The following PKD2L1 variants were observed in gnomAD, a reference collection of about 807,000 sequenced individuals.
PKD2L1 encodes polycystin-2-like protein 1.
Under a neutral mutation model 93.0 loss-of-function variants are expected in PKD2L1, and 77 were observed. The observed-to-expected ratio is 0.83, with a 90% CI of 0.69 to 1.00. The LOEUF is 1.00. Ranked by LOEUF, PKD2L1 falls within the 50% of genes least tolerant of loss-of-function variation. The probability of loss-of-function intolerance (pLI) is 0.00; values close to 1 mark genes in which losing one functional copy is unlikely to be tolerated. For synonymous variants in PKD2L1, 390 were observed against 388.0 expected (o/e 1.01, Z -0.06); for missense variants, 977 against 990.9 (o/e 0.99, Z 0.19).
intron 2 of PKD2L1, among the ~76,000 whole-genome samples, chr10:100,319,243 A>C (rs1254652268): frequency 2.0e-5 from 3 of 152,258 alleles, no homozygotes; most frequent in Admixed American, 2.0e-4. Context: ...GTACTACTAA[A>C]TACCTAATTT....
rs746943362 is a variant in PKD2L1, at chr10:100,297,475, AG to A, written c.862del (p.Leu288PhefsTer31). 109 of 1,614,000 alleles carry A rather than the reference AG, an allele frequency of 6.8e-5. No homozygotes were observed. Among genetic ancestry groups the A allele is most frequent in the Non-Finnish European group, 9.0e-5 (106 of 1,180,018 alleles). ...CCTGTCCAGCCACAGCCCCTCCTGA[AG>A]GGCCCGGAGAGCCTCTGCACTACCC... is the stretch of plus-strand genomic sequence containing the variant. ...RQGSAEALRA[L>X]QEGLWLDRGT... On this transcript the variant is annotated frameshift_variant, in exon 5 of 16. Transcript: ENST00000318222. LOFTEE classifies it high-confidence loss of function.
chr10:100,302,902 T>G (rs1404371804), intron 2 of PKD2L1, among the ~76,000 whole-genome samples: 2 of 152,260 alleles, frequency 1.3e-5, no homozygotes, highest in East Asian at 3.8e-4. Context: ...GATAAATTTC[T>G]GACTTTGATA....
intron 2 of PKD2L1, among the ~76,000 whole-genome samples, chr10:100,325,555 G>A (rs914876991): frequency 3.3e-5 from 5 of 152,146 alleles, no homozygotes; most frequent in Non-Finnish European, 5.9e-5. Context: ...TTGTGGGGCC[G>A]GCACTTTGTG....
chr10:100,312,015 A>G (rs764136572), intron 2 of PKD2L1, among the ~76,000 whole-genome samples: 3 of 152,010 alleles, frequency 2.0e-5, no homozygotes, highest in Admixed American at 6.6e-5. Flanking sequence ...TCCTCCTTCC[A>G]TTATCTTTGC....
At chr10:100,312,523 T>C (rs569943144) in intron 2 of PKD2L1, among the ~76,000 whole-genome samples, 7 of 152,298 alleles carry the variant, frequency 4.6e-5, no homozygotes, top group East Asian at 1.9e-4. Context: ...AATAGACCTA[T>C]AGATACTTGT....
chr10:100,292,866 G>T, intron 11 of PKD2L1, 82 bp downstream of exon 11: 2 of 1,451,332 alleles, frequency 1.4e-6, no homozygotes, highest in Non-Finnish European at 1.9e-6. Flanking sequence ...AAAACCAAAG[G>T]CTTATAAGCA....
intron 2 of PKD2L1, among the ~76,000 whole-genome samples, chr10:100,314,984 AAGGAAGGAAGGAAGGAAGGAAGGAAG>A (rs1564891145): frequency 0.011 from 92 of 8,498 alleles, no homozygotes; most frequent in Non-Finnish European, 0.013. Context: ...GGAAGGAAGG[AAGGAAGGAAGGAAGGAAGGAAGGAAG>A]GAAGGGAAGG....
rs186360244 is a variant in PKD2L1, at chr10:100,299,727, C to T, written c.350-9G>A. On this transcript the variant is annotated splice_polypyrimidine_tract_variant and intron_variant, in intron 2 of 15. Coordinates refer to ENST00000318222, the MANE Select transcript of PKD2L1 (RefSeq NM_016112.3). ...TGTCATTCCATAGGTCACTAGAAAA[C>T]AACCCAAGAGGCTATGTCCTTCTCA... 62 of 1,613,364 alleles carry T rather than the reference C, an allele frequency of 3.8e-5. No individual in the cohort carries two copies. The South Asian group carries it at 4.4e-4, about 11-fold the overall frequency.
intron 7 of PKD2L1, among the ~76,000 whole-genome samples, 182 bp downstream of exon 7, chr10:100,295,940 G>A (rs1848524161): frequency 6.6e-6 from 1 of 151,406 alleles, no homozygotes; most frequent in Non-Finnish European, 1.5e-5. Flanking sequence ...GGAGGCTGAG[G>A]CAGGAGAATC....
chr10:100,317,414 C>T (rs1849124242), intron 2 of PKD2L1, among the ~76,000 whole-genome samples: 1 of 152,056 alleles, frequency 6.6e-6, no homozygotes, highest in Admixed American at 6.6e-5. Flanking sequence ...TGCTACATGC[C>T]TGTAGTCCCA....
rs544690957 is a variant in PKD2L1, at chr10:100,315,387, G to A, written c.349+13824C>T. 2.0e-5 allele frequency among the ~76,000 whole-genome samples: 3 copies of A among 152,050 alleles called. No individual in the cohort carries two copies. In the East Asian group the frequency reaches 5.8e-4, roughly 30 times the overall value. The stretch of plus-strand genomic sequence containing the variant: ...ACTCATCATCTAGGTTTTAAGACCT[G>A]CACGCATTAGATATTTGTCCTAATC... On this transcript the variant is annotated intron_variant, in intron 2 of 15. Transcript: ENST00000318222.
rs375194921 is a variant in PKD2L1, at chr10:100,315,911, CTTAAAAACAG to C, written c.349+13290_349+13299del. Among the ~76,000 whole-genome samples, 945 of 152,258 alleles carry C rather than the reference CTTAAAAACAG, an allele frequency of 6.2e-3. 13 individuals are homozygous for C. Among genetic ancestry groups the C allele is most frequent in the African/African-American group, 0.022 (896 of 41,542 alleles). On this transcript the variant is annotated intron_variant, in intron 2 of 15. Transcript: ENST00000318222. ...TGACTTTAGGCCTCCCTGGCAATGACTTAAAAACAGTTAAAAACAGTTTTAACACTGTTAA... is the reference window on the plus strand; with the variant it reads ...TGACTTTAGGCCTCCCTGGCAATGACTTAAAAACAGTTTTAACACTGTTAA...
chr10:100,290,204 G>T, intron 13 of PKD2L1, 66 bp from the exon 14 acceptor site: 1 of 1,596,852 alleles, frequency 6.3e-7, no homozygotes, highest in Non-Finnish European at 8.6e-7. Flanking sequence ...TGTCTAAAGA[G>T]CCAGGGTTCA....
Position 100,298,752 on chromosome 10 carries a change from C to T in PKD2L1, c.541G>A (p.Gly181Ser). Reference sequence around the variant, plus strand: ...TAGATGAAGGAGTGGGAGCCATGGCCCAGGCTCTGGTTGTTGTACCATTTG... The same window carrying T: ...TAGATGAAGGAGTGGGAGCCATGGCTCAGGCTCTGGTTGTTGTACCATTTG... ...WTKWYNNQSL[G>S]HGSHSFIYYE... is the part of the protein sequence containing the mutation. The change falls in exon 4 of 16, where the codon GGC (glycine) becomes AGC (serine). Residue 181 changes from glycine (G) to serine (S), a missense_variant. Physicochemically the swap from Gly to Ser is moderately conservative, Grantham distance 56. Transcript: ENST00000318222. 6.2e-7 allele frequency: 1 copy of T among 1,613,904 alleles called. No individual in the cohort carries two copies. The highest frequency in any genetic ancestry group is 8.5e-7 in the Non-Finnish European group (1 of 1,180,002).
Position 100,290,025 on chromosome 10 carries a change from G to A in PKD2L1, c.2240C>T (p.Ser747Phe). ...TGAAGGGCCACTCACCACGCCTGGG[G>A]AGGGAGCCAGCCACCCCTTCCTCTC... ...MLERKGWLAPSPGVKEQAIWK... is the reference protein window; with the variant it reads ...MLERKGWLAPFPGVKEQAIWK... The change falls in exon 14 of 16, where the codon TCC becomes TTC. Residue 747 changes from serine to phenylalanine, a missense_variant. Ser to Phe is a radical substitution (Grantham distance 155, BLOSUM62 -2). Coordinates refer to ENST00000318222, the MANE Select transcript of PKD2L1 (RefSeq NM_016112.3). 6.2e-7 allele frequency: 1 copy of A among 1,614,228 alleles called. No homozygotes were observed. Among genetic ancestry groups the A allele is most frequent in the Middle Eastern group, 1.6e-4 (1 of 6,062 alleles).
intron 2 of PKD2L1, among the ~76,000 whole-genome samples, chr10:100,320,104 G>A (rs1849193837): frequency 6.6e-6 from 1 of 152,164 alleles, no homozygotes; most frequent in Non-Finnish European, 1.5e-5. Flanking sequence ...AGCTCTGAGT[G>A]ATTAATCATT....
chr10:100,312,358 T>C (rs1179766600), intron 2 of PKD2L1, among the ~76,000 whole-genome samples: 4 of 152,104 alleles, frequency 2.6e-5, no homozygotes, highest in African/African-American at 9.7e-5. Flanking sequence ...TCTTGGGAAA[T>C]TAGATTCAGA....
rs183537113 is a variant in PKD2L1 at position 100,323,104 on chromosome 10, T to A, written c.349+6107A>T. Among the ~76,000 whole-genome samples the A allele has an allele frequency of 3.3e-5, 5 of 152,324 alleles. No individual in the cohort carries two copies. The East Asian group carries it at 9.6e-4, about 29-fold the overall frequency. On this transcript the variant is annotated intron_variant, in intron 2 of 15. Coordinates refer to ENST00000318222, the MANE Select transcript of PKD2L1 (RefSeq NM_016112.3). ...ATGATGGTGGTGGTGGCGGTTGTGA[T>A]AAACTGAGGGCTTCCAGGGAAAGTA...
chr10:100,295,428 T>TAAAAAAAAA (rs751427378), intron 7 of PKD2L1, among the ~76,000 whole-genome samples: 1 of 71,226 alleles, frequency 1.4e-5, no homozygotes, highest in African/African-American at 5.6e-5. Context: ...CTGGGACCAT[T>TAAAAAAAAA]AAAAAAAAAA....
Sources: allele counts gnomAD v4.1 joint callset (sites outside exome capture counted in the v4.1 genomes callset), GRCh38; gene constraint gnomAD v4.1.1; transcripts MANE v1.5; gene names NCBI Gene and HGNC (gene_info 2026-07-23, HGNC 2026-07-21).